The following TEK variants were observed in gnomAD, a reference collection of about 807,000 sequenced individuals.
TEK encodes the protein TEK receptor tyrosine kinase, also known as angiopoietin-1 receptor.
A neutral mutation model predicts 131.8 loss-of-function variants in TEK; 43 were observed. The ratio of observed to expected loss-of-function variants is 0.33; its 90% CI spans 0.26 to 0.42. The LOEUF (loss-of-function observed/expected upper bound fraction) is 0.42, where lower values mean the gene tolerates loss of function less well. TEK is among the 10% of genes least tolerant of loss of function. TEK has a pLI of 1.00. For missense variants in TEK, 1,162 were observed against 1,384.4 expected, an observed-to-expected ratio of 0.84 and a Z score of 2.55; for synonymous variants, 580 against 491.6, an observed-to-expected ratio of 1.18 and a Z score of -2.38.
intron 1 of TEK, among the ~76,000 whole-genome samples, chr9:27,128,508 G>A (rs1822080001): frequency 6.6e-6 from 1 of 152,128 alleles, no homozygotes; most frequent in African/African-American, 2.4e-5. Flanking sequence ...ATCTAATTCT[G>A]TGAAGAAAGT....
intron 1 of TEK, among the ~76,000 whole-genome samples, chr9:27,138,396 G>A (rs1350517153): frequency 6.6e-6 from 1 of 152,110 alleles, no homozygotes; most frequent in Non-Finnish European, 1.5e-5. Flanking sequence ...TTTACAGAGT[G>A]CTGATTGGTC....
intron 2 of TEK, among the ~76,000 whole-genome samples, chr9:27,162,989 C>T (rs770247659): frequency 3.3e-5 from 5 of 152,222 alleles, no homozygotes; most frequent in Non-Finnish European, 5.9e-5. Flanking sequence ...GCTGGGATTA[C>T]AGGCGTGAGC....
chr9:27,192,673 GGAAGGGGAAAGAGGAAGGAAGACCAGGAA>G, intron 11 of TEK, 50 bp downstream of exon 11: 1 of 1,471,106 alleles, frequency 6.8e-7, no homozygotes. Context: ...GGGAGGGGGA[GGAAGGGGAAAGAGGAAGGAAGACCAGGAA>G]GGGTGGTGGT....
At chr9:27,159,177 A>G (rs549847726) in intron 2 of TEK, among the ~76,000 whole-genome samples, 2 of 152,236 alleles carry the variant, frequency 1.3e-5, no homozygotes, top group South Asian at 4.1e-4. Context: ...AGTTCCTTAT[A>G]CTATAGCAGG....
chr9:27,126,773 A>G (rs1822005063), intron 1 of TEK, among the ~76,000 whole-genome samples: 1 of 152,140 alleles, frequency 6.6e-6, no homozygotes, highest in Non-Finnish European at 1.5e-5. Flanking sequence ...ATATGTGGCT[A>G]AATGCAGCCA....
At chr9:27,121,237 G>T (rs1030181820) in intron 1 of TEK, among the ~76,000 whole-genome samples, 8 of 152,174 alleles carry the variant, frequency 5.3e-5, no homozygotes, top group Non-Finnish European at 1.2e-4. Flanking sequence ...TGAGGCAGAA[G>T]AATCACTTAA....
intron 1 of TEK, among the ~76,000 whole-genome samples, chr9:27,143,501 T>C (rs1822805203): frequency 6.6e-6 from 1 of 151,966 alleles, no homozygotes; most frequent in Admixed American, 6.5e-5. Flanking sequence ...ACTCATACAC[T>C]GTGATGTTGA....
chr9:27,151,113 G>T (rs974170877), intron 1 of TEK, among the ~76,000 whole-genome samples: 4 of 152,154 alleles, frequency 2.6e-5, no homozygotes, highest in Non-Finnish European at 5.9e-5. Flanking sequence ...GTTATTTCCA[G>T]TCTTGTATAT....
intron 1 of TEK, among the ~76,000 whole-genome samples, chr9:27,113,096 G>A (rs1035035274): frequency 3.3e-5 from 5 of 152,318 alleles, no homozygotes; most frequent in East Asian, 3.9e-4. Context: ...ATTTAACAGC[G>A]AACATAGCAG....
intron 1 of TEK, among the ~76,000 whole-genome samples, chr9:27,156,936 A>T (rs951232910): frequency 3.9e-5 from 6 of 152,072 alleles, no homozygotes; most frequent in East Asian, 3.9e-4. Flanking sequence ...GAGAGAATAG[A>T]CACAGACTCT....
intron 19 of TEK, among the ~76,000 whole-genome samples, chr9:27,217,992 C>T (rs190612351): frequency 2.6e-3 from 396 of 152,148 alleles, no homozygotes; most frequent in African/African-American, 9.0e-3. Flanking sequence ...GTTGTGTATT[C>T]CTCATGTGCT....
intron 1 of TEK, among the ~76,000 whole-genome samples, chr9:27,132,524 A>G (rs1191066826): frequency 6.6e-6 from 1 of 152,154 alleles, no homozygotes; most frequent in East Asian, 1.9e-4. Flanking sequence ...TTTCCTGGAT[A>G]TTTTTATTGG....
At chr9:27,117,244 C>T (rs1230902421) in intron 1 of TEK, among the ~76,000 whole-genome samples, 1 of 152,168 alleles carries the variant, frequency 6.6e-6, no homozygotes. Flanking sequence ...CACCAGCCTG[C>T]AGGTGTGTTA....
intron 1 of TEK, among the ~76,000 whole-genome samples, chr9:27,134,877 G>T (rs1038109380): frequency 1.3e-5 from 2 of 152,210 alleles, no homozygotes; most frequent in African/African-American, 4.8e-5. Context: ...TACGTATGCT[G>T]CTGTGGCTCA....
At chr9:27,173,160 A>T in intron 5 of TEK, 62 bp from the exon 6 acceptor site, 1 of 1,599,778 alleles carries the variant, frequency 6.3e-7, no homozygotes, top group Non-Finnish European at 8.6e-7. Context: ...GAATCTAAAG[A>T]ATTATGTATT....
intron 1 of TEK, among the ~76,000 whole-genome samples, chr9:27,151,128 G>GT (rs1823112513): frequency 6.6e-6 from 1 of 152,130 alleles, no homozygotes; most frequent in Admixed American, 6.5e-5. Context: ...GTATATTTTG[G>GT]TATCTTCTTG....
At chr9:27,119,931 GAGAA>G (rs899837551) in intron 1 of TEK, among the ~76,000 whole-genome samples, 5 of 152,128 alleles carry the variant, frequency 3.3e-5, no homozygotes, top group African/African-American at 1.2e-4. Context: ...ACACGTGTGA[GAGAA>G]AGAAATAGCT....
intron 1 of TEK, among the ~76,000 whole-genome samples, chr9:27,137,997 C>T (rs550428302): frequency 3.9e-5 from 6 of 152,056 alleles, no homozygotes; most frequent in African/African-American, 1.5e-4. Context: ...TCGCTGACTT[C>T]AGGAGTGAAG....
chr9:27,137,967 C>T (rs939053372), intron 1 of TEK, among the ~76,000 whole-genome samples: 8 of 152,088 alleles, frequency 5.3e-5, no homozygotes, highest in African/African-American at 1.9e-4. Context: ...GAGTTTCTTC[C>T]TTCCAGTGGG....
Sources: allele counts gnomAD v4.1 joint callset (sites outside exome capture counted in the v4.1 genomes callset), GRCh38; gene constraint gnomAD v4.1.1; transcripts MANE v1.5; gene names NCBI Gene and HGNC (gene_info 2026-07-23, HGNC 2026-07-21).